Variants in ATP11A observed in about 807,000 individuals in gnomAD.
ATP11A encodes phospholipid-transporting ATPase IH.
In ATP11A, 81 loss-of-function variants were observed where a neutral mutation model predicts 154.4. The ratio of observed to expected loss-of-function variants is 0.52; its 90% CI spans 0.44 to 0.63. The LOEUF (loss-of-function observed/expected upper bound fraction) is 0.63, where lower values mean the gene tolerates loss of function less well. Ranked by LOEUF, ATP11A falls within the 30% of genes least tolerant of loss-of-function variation. ATP11A has a pLI of 0.00. For missense variants in ATP11A, 1,316 were observed against 1,474.3 expected (o/e 0.89, Z 1.76); for synonymous variants, 623 against 585.9 (o/e 1.06, Z -0.91).
Position 112,855,912 on chromosome 13 carries a change from C to G in ATP11A, c.2245C>G (p.Leu749Val). ...TTTCTGACTCACGTACTCTAACAGA[C>G]TTTCAGCAGATATGCAGGACTACGG... ...GSLTRDNLSGLSADMQDYGLI... is the reference protein window; with the variant it reads ...GSLTRDNLSGVSADMQDYGLI... Residue 749 changes from leucine to valine, a missense_variant and splice_region_variant, in exon 20 of 30, where the codon CTT becomes GTT. Around this residue, in one of 5 missense-constraint regions of ATP11A, gnomAD observed 876 missense variants for 1,006.8 expected, o/e 0.87. Transcript: ENST00000375645. 1 of 1,607,918 alleles carries G rather than the reference C, an allele frequency of 6.2e-7. No individual in the cohort carries two copies. The highest frequency in any genetic ancestry group is 1.7e-4 in the Middle Eastern group (1 of 6,042).
chr13:112,768,496 A>G (rs2077150590), intron 1 of ATP11A, among the ~76,000 whole-genome samples: 1 of 152,208 alleles, frequency 6.6e-6, no homozygotes, highest in Non-Finnish European at 1.5e-5. Flanking sequence ...GCTGTTATCC[A>G]GTTACTGACT....
intron 1 of ATP11A, among the ~76,000 whole-genome samples, chr13:112,694,777 A>G (rs554958055): frequency 4.6e-5 from 7 of 152,326 alleles, no homozygotes; most frequent in Admixed American, 2.6e-4. Context: ...GATAGAAAAC[A>G]TTGAAGGATC....
intron 25 of ATP11A, among the ~76,000 whole-genome samples, chr13:112,867,448 G>A (rs533419081): frequency 3.9e-5 from 6 of 152,198 alleles, no homozygotes; most frequent in Admixed American, 1.3e-4. Context: ...GGACACGGGC[G>A]CCACTGTCCT....
chr13:112,744,480 A>G (rs1291643314), intron 1 of ATP11A, among the ~76,000 whole-genome samples: 1 of 152,196 alleles, frequency 6.6e-6, no homozygotes, highest in Non-Finnish European at 1.5e-5. Context: ...AATCTCAGAC[A>G]TGGGGAGCCT....
At chr13:112,862,256 G>T (rs1325224297) in intron 24 of ATP11A, among the ~76,000 whole-genome samples, 184 bp from the exon 25 acceptor site, 1 of 152,258 alleles carries the variant, frequency 6.6e-6, no homozygotes, top group Non-Finnish European at 1.5e-5. Context: ...GACATGAGTG[G>T]GTAGTGAAAT....
intron 25 of ATP11A, among the ~76,000 whole-genome samples, chr13:112,868,730 G>T (rs1032362955): frequency 2.0e-5 from 3 of 152,218 alleles, no homozygotes; most frequent in African/African-American, 7.2e-5. Context: ...ATCCGCACAT[G>T]TTAGTCCATT....
At chr13:112,818,264 C>T (rs1344838095) in intron 6 of ATP11A, among the ~76,000 whole-genome samples, 2 of 147,192 alleles carry the variant, frequency 1.4e-5, no homozygotes, top group Non-Finnish European at 3.0e-5. Flanking sequence ...GGTGACGGGG[C>T]GATGACCGTT....
intron 1 of ATP11A, among the ~76,000 whole-genome samples, chr13:112,725,732 C>T (rs751413833): frequency 7.2e-5 from 11 of 152,354 alleles, no homozygotes; most frequent in Middle Eastern, 3.4e-3. Context: ...GTTCCTTGGA[C>T]AGGAGAAGCT....
chr13:112,698,616 T>C (rs1886156041), intron 1 of ATP11A, among the ~76,000 whole-genome samples: 1 of 152,230 alleles, frequency 6.6e-6, no homozygotes, highest in Admixed American at 6.5e-5. Flanking sequence ...AATTTTAGGC[T>C]TTCTCTGCCA....
Position 112,820,001 on chromosome 13 carries a change from A to G in ATP11A, c.725+51A>G, listed in dbSNP as rs569466425. On this transcript the variant is annotated intron_variant, in intron 8 of 29. Coordinates refer to ENST00000375645, the MANE Select transcript of ATP11A (RefSeq NM_015205.3). ...CCACGGTCACCTCCCTTGTTGCGTT[A>G]GAAATGCATTCTTTGACGGACAAGG... 69 of 1,499,984 alleles carry G rather than the reference A, an allele frequency of 4.6e-5. No individual in the cohort carries two copies. The East Asian group carries it at 1.4e-3, about 30-fold the overall frequency. 92.9% of individuals were successfully genotyped at this position (1,499,984 alleles called of 1,614,324 possible).
chr13:112,832,186 A>G (rs1445742147), intron 13 of ATP11A, among the ~76,000 whole-genome samples: 1 of 152,190 alleles, frequency 6.6e-6, no homozygotes, highest in African/African-American at 2.4e-5. Flanking sequence ...GTGGCTCCAG[A>G]TCTCAGCATC....
intron 1 of ATP11A, among the ~76,000 whole-genome samples, chr13:112,718,308 C>T (rs927940935): frequency 2.0e-5 from 3 of 152,158 alleles, no homozygotes; most frequent in Non-Finnish European, 2.9e-5. Context: ...TTTTAAATTT[C>T]TTTTCAGGTG....
chr13:112,858,214 TGAA>T lies in ATP11A; in HGVS notation c.2597_2599del (p.Lys866del). 1.9e-6 allele frequency: 3 copies of T among 1,614,172 alleles called. No individual in the cohort carries two copies. The highest frequency in any genetic ancestry group is 2.5e-6 in the Non-Finnish European group (3 of 1,180,038). ...TATGCAATCCCAAAGTTTAAGCATT[TGAA>T]GAAGATGCTGCTTGTTCACGGGCAT... is the stretch of plus-strand genomic sequence containing the variant. On this transcript the variant is annotated inframe_deletion, in exon 22 of 30. Coordinates refer to ENST00000375645, the MANE Select transcript of ATP11A (RefSeq NM_015205.3).
chr13:112,707,988 C>T (rs184583842), intron 1 of ATP11A, among the ~76,000 whole-genome samples: 222 of 152,330 alleles, frequency 1.5e-3, no homozygotes, highest in African/African-American at 5.0e-3. Context: ...CGCCTGCAGC[C>T]GGCATTGGTC....
intron 2 of ATP11A, 56 bp from the exon 3 acceptor site, chr13:112,804,901 C>A: frequency 9.0e-7 from 1 of 1,115,480 alleles, no homozygotes; most frequent in Non-Finnish European, 1.3e-6. Context: ...CCTAGAGTAA[C>A]ACTACAAGAG....
At chr13:112,840,308 CAGCCT>C (rs2079368208) in intron 16 of ATP11A, among the ~76,000 whole-genome samples, 1 of 128,182 alleles carries the variant, frequency 7.8e-6, no homozygotes, top group African/African-American at 3.0e-5. Flanking sequence ...CCTCCAGCCT[CAGCCT>C]CCCCACTCTC....
At chr13:112,821,575 T>A (rs556629726) in intron 8 of ATP11A, among the ~76,000 whole-genome samples, 31 of 152,184 alleles carry the variant, frequency 2.0e-4, no homozygotes, top group African/African-American at 7.5e-4. Flanking sequence ...CCTCCTAGAG[T>A]ATTGGGATTA....
At chr13:112,759,703 T>A (rs2139866374) in intron 1 of ATP11A, among the ~76,000 whole-genome samples, 1 of 152,352 alleles carries the variant, frequency 6.6e-6, no homozygotes, top group East Asian at 1.9e-4. Context: ...AGTGCCTGTT[T>A]TGTAAACTTT....
chr13:112,795,096 T>C (rs2077964834), intron 2 of ATP11A, among the ~76,000 whole-genome samples: 1 of 150,952 alleles, frequency 6.6e-6, no homozygotes, highest in African/African-American at 2.4e-5. Context: ...ATACAAAAAT[T>C]AGCCGGGCAT....
Sources: gnomAD v4.1 joint callset for allele counts (sites outside exome capture counted in the v4.1 genomes callset) on GRCh38, gnomAD v4.1.1 for gene constraint, gnomAD v4.1.1 regional missense constraint, MANE v1.5 for transcripts, NCBI Gene and HGNC (gene_info 2026-07-23, HGNC 2026-07-21) for gene names.